YAF2: variants seen among roughly 807,000 people sequenced by gnomAD.
The protein encoded by YAF2 is YY1-associated factor 2.
YAF2 carries 7 observed loss-of-function variants against 20.1 expected under a neutral mutation model. The observed-to-expected ratio is 0.35, with a 90% CI of 0.20 to 0.65. The LOEUF is 0.65. Among genes scored for constraint, YAF2 ranks in the 30% least tolerant of loss-of-function variants. The probability of loss-of-function intolerance (pLI) is 0.69; values close to 1 mark genes in which losing one functional copy is unlikely to be tolerated. For synonymous variants in YAF2, 74 were observed against 76.0 expected, an observed-to-expected ratio of 0.97 and a Z score of 0.14; for missense variants, 151 against 219.2, an observed-to-expected ratio of 0.69 and a Z score of 1.96.
intron 2 of YAF2, among the ~76,000 whole-genome samples, chr12:42,186,245 G>C (rs2066471369): frequency 7.1e-6 from 1 of 141,118 alleles, no homozygotes; most frequent in East Asian, 2.1e-4. Flanking sequence ...TGTAATCCCA[G>C]AACTTTGGGA....
intron 2 of YAF2, among the ~76,000 whole-genome samples, chr12:42,166,397 C>T (rs748100427): frequency 2.6e-5 from 4 of 152,218 alleles, no homozygotes; most frequent in Non-Finnish European, 5.9e-5. Context: ...CCTTTAGCAT[C>T]TGTCCACTAA....
At position 42,158,231 on chromosome 12, in the gene YAF2, A is replaced by C. The variant is rs895243636; in HGVS notation, c.*2358T>G. The C allele has an allele frequency of 6.6e-6, 1 of 152,162 alleles. No homozygotes were observed. Among genetic ancestry groups the C allele is most frequent in the African/African-American group, 2.4e-5 (1 of 41,446 alleles). 9.4% of individuals were successfully genotyped at this position (152,162 alleles called of 1,614,324 possible). Reference sequence around the variant, plus strand: ...TCAAGTCAACTTAATTCATTTCTCCAATCTCATAGTGCACACCCACCAGGT... The same window carrying C: ...TCAAGTCAACTTAATTCATTTCTCCCATCTCATAGTGCACACCCACCAGGT... On this transcript the variant is annotated 3_prime_UTR_variant, in exon 4 of 4. Transcript: ENST00000534854.
intron 2 of YAF2, chr12:42,234,687 T>C (rs1333885763): frequency 1.0e-6 from 1 of 984,700 alleles, no homozygotes; most frequent in Non-Finnish European, 1.2e-6. Context: ...AAAATTATAT[T>C]GCCAATAAAG....
intron 2 of YAF2, among the ~76,000 whole-genome samples, chr12:42,197,353 C>A (rs899214715): frequency 4.6e-5 from 7 of 152,134 alleles, no homozygotes; most frequent in East Asian, 1.9e-4. Flanking sequence ...TAGCTAGGGG[C>A]AATGAAGTTA....
intron 2 of YAF2, among the ~76,000 whole-genome samples, chr12:42,225,142 A>T (rs1336714071): frequency 6.6e-6 from 1 of 151,874 alleles, no homozygotes; most frequent in African/African-American, 2.4e-5. Context: ...AGTTTTTCAC[A>T]TTTGTTGGCT....
chr12:42,225,729 C>A (rs1255700801), intron 2 of YAF2, among the ~76,000 whole-genome samples: 1 of 152,074 alleles, frequency 6.6e-6, no homozygotes, highest in Non-Finnish European at 1.5e-5. Context: ...TCTGTTCTAT[C>A]GGTCTATATG....
At chr12:42,208,646 C>CA (rs1232759382) in intron 2 of YAF2, among the ~76,000 whole-genome samples, 1 of 152,136 alleles carries the variant, frequency 6.6e-6, no homozygotes, top group Admixed American at 6.6e-5. Context: ...AATAGTCTTA[C>CA]AGACATCCCA....
intron 2 of YAF2, among the ~76,000 whole-genome samples, chr12:42,204,646 A>G (rs890484951): frequency 6.6e-6 from 1 of 152,252 alleles, no homozygotes; most frequent in Non-Finnish European, 1.5e-5. Context: ...TAATAATCAA[A>G]AAGTGCAAAA....
chr12:42,205,797 T>C (rs1213394562), intron 2 of YAF2: 2 of 247,654 alleles, frequency 8.1e-6, no homozygotes, highest in African/African-American at 4.6e-5. Flanking sequence ...TTTCAATCTT[T>C]CAATCTAATA....
intron 2 of YAF2, among the ~76,000 whole-genome samples, chr12:42,207,903 A>T (rs1433609820): frequency 6.6e-6 from 1 of 152,094 alleles, no homozygotes; most frequent in African/African-American, 2.4e-5. Flanking sequence ...AAAGACAAAC[A>T]AAAAACTGGT....
intron 2 of YAF2, among the ~76,000 whole-genome samples, chr12:42,200,707 G>A (rs17592715): frequency 1.3e-5 from 2 of 152,098 alleles, no homozygotes; most frequent in African/African-American, 4.8e-5. Context: ...TCATAAGTGT[G>A]GGTAAATTAG....
At chr12:42,232,764 G>T (rs1169486864) in intron 2 of YAF2, 13 of 985,218 alleles carry the variant, frequency 1.3e-5, no homozygotes, top group Non-Finnish European at 1.6e-5. Flanking sequence ...CCAGATGATA[G>T]TTGGTTTAAG....
intron 2 of YAF2, among the ~76,000 whole-genome samples, chr12:42,171,818 G>T (rs2066057653): frequency 6.7e-6 from 1 of 148,582 alleles, no homozygotes; most frequent in South Asian, 2.1e-4. Flanking sequence ...AAAAAAATTG[G>T]CCAGGTGTAC....
intron 2 of YAF2, among the ~76,000 whole-genome samples, chr12:42,165,773 GTTTTTT>G (rs71084620): frequency 6.0e-5 from 7 of 116,094 alleles, no homozygotes; most frequent in Non-Finnish European, 6.8e-5. Context: ...GCCCGGCCAG[GTTTTTT>G]TTTTTTTTTT....
chr12:42,224,542 G>T (rs1265387741), intron 2 of YAF2, among the ~76,000 whole-genome samples: 1 of 148,656 alleles, frequency 6.7e-6, no homozygotes, highest in African/African-American at 2.5e-5. Flanking sequence ...CCCACCCCGC[G>T]ACAGGCCCCC....
chr12:42,234,214 GAAAAGAAAAGAAAAGA>G, intron 2 of YAF2: 1 of 903,608 alleles, frequency 1.1e-6, no homozygotes, highest in Non-Finnish European at 1.3e-6. Context: ...GAAAAGAAAA[GAAAAGAAAAGAAAAGA>G]AAGAAAAGAA....
At chr12:42,236,676 T>C (rs1173150450) in intron 2 of YAF2, among the ~76,000 whole-genome samples, 1 of 152,246 alleles carries the variant, frequency 6.6e-6, no homozygotes, top group Non-Finnish European at 1.5e-5. Flanking sequence ...ACAGTAAGAT[T>C]AGTATGCTTA....
chr12:42,200,376 A>C (rs1483455566), intron 2 of YAF2, among the ~76,000 whole-genome samples: 1 of 152,206 alleles, frequency 6.6e-6, no homozygotes, highest in Non-Finnish European at 1.5e-5. Context: ...TTAAAGAGAG[A>C]GGCTGAAAAC....
intron 2 of YAF2, chr12:42,232,640 C>A (rs769299221): frequency 1.3e-4 from 128 of 985,280 alleles, no homozygotes; most frequent in Non-Finnish European, 1.5e-4. Flanking sequence ...AGATGGTCCT[C>A]AATTTTTTTC....
Sources: gnomAD v4.1 joint callset for allele counts (sites outside exome capture counted in the v4.1 genomes callset) on GRCh38, gnomAD v4.1.1 for gene constraint, MANE v1.5 for transcripts, NCBI Gene and HGNC (gene_info 2026-07-23, HGNC 2026-07-21) for gene names.